Variants in WDR18 observed in about 807,000 individuals in gnomAD.
WDR18 encodes WD repeat-containing protein 18.
A neutral mutation model predicts 49.6 loss-of-function variants in WDR18; 33 were observed. That is an observed-to-expected ratio of 0.67 (90% CI 0.50 to 0.89). The LOEUF (loss-of-function observed/expected upper bound fraction) is 0.89, where lower values mean the gene tolerates loss of function less well. WDR18 is among the 40% of genes least tolerant of loss of function. The pLI, the probability that WDR18 is intolerant of heterozygous loss-of-function variation, is 0.00. For synonymous variants in WDR18, 315 were observed against 263.6 expected, an observed-to-expected ratio of 1.19 and a Z score of -1.89; for missense variants, 653 against 593.6, an observed-to-expected ratio of 1.10 and a Z score of -1.04.
chr19:993,930 TG>T (rs2038595080), intron 8 of WDR18, 89 bp from the exon 9 acceptor site: 2 of 1,434,888 alleles, frequency 1.4e-6, no homozygotes, highest in South Asian at 2.5e-5. Flanking sequence ...CCTGGCTGAG[TG>T]GCTGCCCACG....
chr19:983,341 G>A (rs565420673), upstream of WDR18, among the ~76,000 whole-genome samples: 4 of 151,972 alleles, frequency 2.6e-5, no homozygotes, highest in African/African-American at 4.8e-5. Flanking sequence ...ATTCGCCCAG[G>A]CTGGAGTGCC....
rs375733070 is a variant in WDR18, at chr19:984,487, C to G, written c.134C>G (p.Ala45Gly). The change falls in exon 1 of 10, where the codon GCG becomes GGG. Residue 45 changes from alanine to glycine, a missense_variant. Transcript: ENST00000585809. The stretch of plus-strand genomic sequence containing the variant: ...GGCCAGGCGGGACCCCGCGGCCTGG[C>G]GCTGCTCAATGGCGAGTATCTGCTG... Reference protein sequence around the residue: ...RGGQAGPRGLALLNGEYLLAA... With the variant: ...RGGQAGPRGLGLLNGEYLLAA... 5.7e-6 allele frequency: 9 copies of G among 1,569,286 alleles called. No homozygotes were observed. Among genetic ancestry groups the G allele is most frequent in the Non-Finnish European group, 7.8e-6 (9 of 1,160,082 alleles).
Position 990,847 on chromosome 19 carries a change from C to A in WDR18, c.598-5C>A, listed in dbSNP as rs758173580. On this transcript the variant is annotated splice_region_variant and splice_polypyrimidine_tract_variant and intron_variant, in intron 4 of 9. Transcript: ENST00000585809. ...CCGAGCCCCACGCCCTTTGCCCACC[C>A]GCAGCTATGGGAGGTCTCCTCGGGG... The A allele has an allele frequency of 6.3e-7, 1 of 1,597,890 alleles. No homozygotes were observed. The highest frequency in any genetic ancestry group is 1.7e-5 in the Admixed American group (1 of 58,564).
chr19:988,122 A>T (rs73494933), intron 2 of WDR18, among the ~76,000 whole-genome samples: 4,068 of 150,864 alleles, frequency 0.027, 189 homozygotes, highest in African/African-American at 0.094. Context: ...GAGCCACTGC[A>T]GCTGGCCCTC....
chr19:989,615 CAG>C lies in WDR18; in HGVS notation c.322-146_322-145del, dbSNP rs530538748. 7.2e-5 allele frequency: 87 copies of C among 1,214,134 alleles called. 2 individuals carry two copies. The South Asian group carries it at 1.2e-3, about 17-fold the overall frequency. The allele number at this position is 1,214,134 out of a possible 1,614,324, so 75.2% of individuals were successfully genotyped here. On this transcript the variant is annotated intron_variant, in intron 2 of 9. Coordinates refer to ENST00000585809, the MANE Select transcript of WDR18 (RefSeq NM_024100.4). Reference sequence around the variant, plus strand: ...CTGTACCTGCTGGCCGCTGCCCTGACAGGGTCACCCCGCAGTCCTGGGGCAGG... The same window carrying C: ...CTGTACCTGCTGGCCGCTGCCCTGACGGTCACCCCGCAGTCCTGGGGCAGG...
upstream of WDR18, chr19:984,292 G>A: frequency 2.1e-6 from 3 of 1,447,540 alleles, no homozygotes; most frequent in East Asian, 2.9e-5. Context: ...TCTGGCCCGC[G>A]TGGGGCAGTC....
At chr19:990,603 C>G in intron 4 of WDR18, 2 of 812,710 alleles carry the variant, frequency 2.5e-6, no homozygotes, top group Non-Finnish European at 3.7e-6. Flanking sequence ...GAGGTCATCA[C>G]TATGCTTGAG....
chr19:994,395 A>G lies in WDR18; in HGVS notation c.*51A>G, dbSNP rs751504578. On this transcript the variant is annotated 3_prime_UTR_variant, in exon 10 of 10. Transcript: ENST00000585809. The stretch of plus-strand genomic sequence containing the variant: ...CCCAGGCCTGAGCCCCATGCCTCCC[A>G]GCAACCAGGGCCCGCGGGTGTGGCC... 2.6e-6 allele frequency: 4 copies of G among 1,563,104 alleles called. No homozygotes were observed. Among genetic ancestry groups the G allele is most frequent in the Non-Finnish European group, 8.6e-7 (1 of 1,157,156 alleles).
In WDR18 at chr19:994,267, G is replaced by A. The variant is rs372604451; in HGVS notation, c.1222G>A (p.Glu408Lys). Reference sequence around the variant, plus strand: ...CGTCCGTGTGACGGAGCTGGAGGACGAGGTGCGCAACCTGCGCAAGATCAA... The same window carrying A: ...CGTCCGTGTGACGGAGCTGGAGGACAAGGTGCGCAACCTGCGCAAGATCAA... ...LRVRVTELEDEVRNLRKINRD... is the reference protein window; with the variant it reads ...LRVRVTELEDKVRNLRKINRD... Residue 408 changes from glutamate to lysine, a missense_variant, in exon 10 of 10, where the codon GAG (glutamate) becomes AAG (lysine). Glu to Lys is a moderately conservative substitution (Grantham distance 56, BLOSUM62 1). Transcript: ENST00000585809. 9.3e-5 allele frequency: 150 copies of A among 1,609,732 alleles called. No homozygotes were observed. Among genetic ancestry groups the A allele is most frequent in the Middle Eastern group, 5.0e-4 (3 of 6,052 alleles).
In WDR18 at chr19:994,478, T is replaced by G; in HGVS notation, c.*134T>G. 1 of 1,308,162 alleles carries G rather than the reference T, an allele frequency of 7.6e-7. No individual in the cohort carries two copies. The highest frequency in any genetic ancestry group is 1.5e-5 in the South Asian group (1 of 67,346). The allele number at this position is 1,308,162 out of a possible 1,614,324, so 81.0% of individuals were successfully genotyped here. On this transcript the variant is annotated 3_prime_UTR_variant, in exon 10 of 10. Coordinates refer to ENST00000585809, the MANE Select transcript of WDR18 (RefSeq NM_024100.4). ...CTGTGTCGTGTTCGGGTTTTTCCTC[T>G]GTGACTGGGCCGTCTTGGTGTCTCG... is the stretch of plus-strand genomic sequence containing the variant.
At position 993,968 on chromosome 19, in the gene WDR18, T is replaced by C. The variant is rs1205120549; in HGVS notation, c.1099-52T>C. 4 of 1,538,100 alleles carry C rather than the reference T, an allele frequency of 2.6e-6. No individual in the cohort carries two copies. The East Asian group carries it at 9.8e-5, about 38-fold the overall frequency. ...TGGCGGGGGTGGGATGGGCAAAGCG[T>C]GTGGTGTGTGACAGGACGCGCCCCG... On this transcript the variant is annotated intron_variant, in intron 8 of 9. Transcript: ENST00000585809.
chr19:990,071 G>T, intron 3 of WDR18, 152 bp from the exon 4 acceptor site: 1 of 1,379,130 alleles, frequency 7.3e-7, no homozygotes, highest in South Asian at 1.5e-5. Context: ...TTTGTTCTGG[G>T]GGCCGTGGGG....
intron 1 of WDR18, among the ~76,000 whole-genome samples, chr19:985,449 C>T (rs959891596): frequency 6.6e-6 from 1 of 152,290 alleles, no homozygotes; most frequent in African/African-American, 2.4e-5. Flanking sequence ...GGATTACAGC[C>T]GTGAGCCACC....
intron 2 of WDR18, among the ~76,000 whole-genome samples, chr19:986,415 G>A (rs1232983213): frequency 2.6e-5 from 4 of 152,218 alleles, no homozygotes; most frequent in African/African-American, 7.2e-5. Flanking sequence ...GATTCCAGGC[G>A]CCCACCACCA....
chr19:991,974 C>T lies in WDR18; in HGVS notation c.951C>T (p.Ala317=), dbSNP rs372173878. The change falls in exon 8 of 10, where the codon GCC becomes GCT. Residue 317 remains alanine, a synonymous_variant. Coordinates refer to ENST00000585809, the MANE Select transcript of WDR18 (RefSeq NM_024100.4). ...VALKGPVTNA[A]ILLAPVSMLS... is the part of the protein sequence containing the mutation. ...CCCCAGGCCCAGTCACCAATGCCGC[C>T]ATCCTGCTGGCGCCCGTCAGCATGC... 283 of 1,593,152 alleles carry T rather than the reference C, an allele frequency of 1.8e-4. No individual in the cohort carries two copies. Among genetic ancestry groups the T allele is most frequent in the Non-Finnish European group, 2.3e-4 (274 of 1,174,770 alleles).
intron 2 of WDR18, 74 bp from the exon 3 acceptor site, chr19:989,688 T>TCCTGGGGCTGCAGCCCCCCTTTCCTCC (rs1297549662): frequency 1.9e-6 from 3 of 1,583,986 alleles, no homozygotes; most frequent in East Asian, 4.5e-5. Context: ...AGTGGTGGGT[T>TCCTGGGGCTGCAGCCCCCCTTTCCTCC]CCTGGGGCTG....
chr19:990,089 C>T (rs749228292), intron 3 of WDR18, 134 bp from the exon 4 acceptor site: 3 of 1,386,612 alleles, frequency 2.2e-6, no homozygotes, highest in Non-Finnish European at 1.9e-6. Flanking sequence ...GGGGCCCAGC[C>T]TTGAGTTTAC....
upstream of WDR18, among the ~76,000 whole-genome samples, chr19:983,350 C>CCTGGGATCTCGGCTCA: frequency 6.6e-6 from 1 of 152,134 alleles, no homozygotes; most frequent in South Asian, 2.1e-4. Context: ...GGCTGGAGTG[C>CCTGGGATCTCGGCTCA]CTGGGATCTC....
intron 2 of WDR18, 71 bp downstream of exon 2, chr19:986,046 C>G (rs1271740310): frequency 1.4e-6 from 2 of 1,462,548 alleles, no homozygotes; most frequent in Non-Finnish European, 1.9e-6. Context: ...TGCAGGGCAC[C>G]AGGGAACAAC....
Sources: allele counts gnomAD v4.1 joint callset (sites outside exome capture counted in the v4.1 genomes callset), GRCh38; gene constraint gnomAD v4.1.1; transcripts MANE v1.5; gene names NCBI Gene and HGNC (gene_info 2026-07-23, HGNC 2026-07-21).